The following ZNF557 variants were observed in gnomAD, a reference collection of about 807,000 sequenced individuals.
The protein encoded by ZNF557 is CTB-25J19.9.
A neutral mutation model predicts 21.2 loss-of-function variants in ZNF557; 19 were observed. That is an observed-to-expected ratio of 0.90 (90% confidence interval 0.63 to 1.32). The LOEUF is 1.32. Among genes scored for constraint, ZNF557 ranks in the 40% most tolerant of loss-of-function variants. ZNF557 has a pLI of 0.00. For synonymous variants in ZNF557, 207 were observed against 194.8 expected (o/e 1.06, Z -0.52); for missense variants, 487 against 519.8 (o/e 0.94, Z 0.61).
intron 7 of ZNF557, among the ~76,000 whole-genome samples, chr19:7,082,290 A>T (rs1244547992): frequency 6.6e-6 from 1 of 152,094 alleles, no homozygotes; most frequent in Non-Finnish European, 1.5e-5. Context: ...GGGTGTGGTG[A>T]TGCGCACCTG....
chr19:7,075,603 G>C, intron 3 of ZNF557, 52 bp from the exon 4 acceptor site: 2 of 1,583,366 alleles, frequency 1.3e-6, no homozygotes, highest in Non-Finnish European at 1.7e-6. Flanking sequence ...CCAGATGTGT[G>C]AGTGGACACA....
At position 7,081,995 on chromosome 19, in the gene ZNF557, AG is replaced by A; in HGVS notation, c.372del (p.Leu125Ter). On this transcript the variant is annotated frameshift_variant, in exon 7 of 8. Transcript: ENST00000252840. LOFTEE classifies it high-confidence loss of function. ...ATGTGGAGAATCCATTTAAAGCCAA[AG>A]GGTTAACTCCTAAGCTGCATGTTTT... ...PDVENPFKAK[G>X]LTPKLHVFRK... 1 of 1,613,936 alleles carries A rather than the reference AG, an allele frequency of 6.2e-7. No individual in the cohort carries two copies. Among genetic ancestry groups the A allele is most frequent in the Non-Finnish European group, 8.5e-7 (1 of 1,179,822 alleles).
rs11287183 is a variant in ZNF557, at chr19:7,087,537, C to CA, written c.*3808dup. 3,164 of 137,298 alleles carry CA rather than the reference C, an allele frequency of 0.023. 62 individuals carry two copies. The highest frequency in any genetic ancestry group is 0.036 in the Non-Finnish European group (2,276 of 63,540). 8.5% of individuals were successfully genotyped at this position (137,298 alleles called of 1,614,324 possible). A position where few individuals can be genotyped will look rare whatever the true frequency, so the allele number is the denominator to read the frequency against. ...GGGCAACAAGAGCAAAACTCCATCTCAAAAAAAAAAAAAAAGAAAGAAACA... is the reference window on the plus strand; with the variant it reads ...GGGCAACAAGAGCAAAACTCCATCTCAAAAAAAAAAAAAAAAGAAAGAAACA... On this transcript the variant is annotated 3_prime_UTR_variant, in exon 8 of 8. Transcript: ENST00000252840.
chr19:7,080,820 C>T (rs778005643), intron 5 of ZNF557, among the ~76,000 whole-genome samples: 21 of 152,132 alleles, frequency 1.4e-4, no homozygotes, highest in Non-Finnish European at 2.4e-4. Context: ...TGTGTTTGCC[C>T]ATTTACATAC....
In ZNF557 at chr19:7,086,209, C is replaced by T. The variant is rs1296867698; in HGVS notation, c.*2465C>T. The T allele has an allele frequency of 1.6e-5, 2 of 124,298 alleles. No individual in the cohort carries two copies. Among genetic ancestry groups the T allele is most frequent in the Admixed American group, 8.4e-5 (1 of 11,874 alleles). The allele number at this position is 124,298 out of a possible 1,614,324, so 7.7% of individuals were successfully genotyped here. ...TCATGCCACTTCACTCCAGCCTGGGCAAAAGAGTGCAACTCTGTCTCAAAA... is the reference window on the plus strand; with the variant it reads ...TCATGCCACTTCACTCCAGCCTGGGTAAAAGAGTGCAACTCTGTCTCAAAA... On this transcript the variant is annotated 3_prime_UTR_variant, in exon 8 of 8. Transcript: ENST00000252840.
intron 5 of ZNF557, 86 bp downstream of exon 5, chr19:7,076,593 CA>C (rs1555729634): frequency 6.5e-7 from 1 of 1,531,656 alleles, no homozygotes; most frequent in Non-Finnish European, 8.8e-7. Context: ...TAACACAGGA[CA>C]CAAAAGTCAC....
rs1977899665 is a variant in ZNF557, at chr19:7,087,765, A to G, written c.*4021A>G. The G allele has an allele frequency of 6.6e-6, 1 of 151,688 alleles. No individual in the cohort carries two copies. Among genetic ancestry groups the G allele is most frequent in the South Asian group, 2.1e-4 (1 of 4,822 alleles). 9.4% of individuals were successfully genotyped at this position (151,688 alleles called of 1,614,324 possible). On this transcript the variant is annotated 3_prime_UTR_variant, in exon 8 of 8. Coordinates refer to ENST00000252840, the MANE Select transcript of ZNF557 (RefSeq NM_024341.3). The stretch of plus-strand genomic sequence containing the variant: ...GTGTTAGCTTCCAGGTGAATGCATT[A>G]TCTGTTAATCCTGTTTATTGATCTG...
At chr19:7,078,423 T>C (rs1217982669) in intron 5 of ZNF557, among the ~76,000 whole-genome samples, 1 of 152,026 alleles carries the variant, frequency 6.6e-6, no homozygotes, top group Non-Finnish European at 1.5e-5. Context: ...GCCATTATTT[T>C]TACATATATT....
rs1555730813 is a variant in ZNF557, at chr19:7,087,226, T to TTTTTTTTTTTTTTTTTTTGTTTTTCC, written c.*3482_*3483insTTTTTTTTTTTTTTTTTTGTTTTTCC. On this transcript the variant is annotated 3_prime_UTR_variant, in exon 8 of 8. Coordinates refer to ENST00000252840, the MANE Select transcript of ZNF557 (RefSeq NM_024341.3). ...GCTTTTTTTTTTTTTTTTTTTTTTT[T>TTTTTTTTTTTTTTTTTTTGTTTTTCC]CTTCACTGTGGTGATAAAAACCACA... The TTTTTTTTTTTTTTTTTTTGTTTTTCC allele has an allele frequency of 1.1e-5, 1 of 87,560 alleles. No homozygotes were observed. 5.4% of individuals were successfully genotyped at this position (87,560 alleles called of 1,614,324 possible).
rs1385176971 is a variant in ZNF557 at position 7,069,738 on chromosome 19, A to G, written c.-207A>G. On this transcript the variant is annotated 5_prime_UTR_variant, in exon 1 of 8. Coordinates refer to ENST00000252840, the MANE Select transcript of ZNF557 (RefSeq NM_024341.3). ...AAGAGCCGCGCTTGCAGCGTCTGGG[A>G]GAATCTTTCGGTCTCCGCGAGAGGT... is the stretch of plus-strand genomic sequence containing the variant. The G allele has an allele frequency of 6.6e-6, 1 of 152,248 alleles. No homozygotes were observed. Among genetic ancestry groups the G allele is most frequent in the Non-Finnish European group, 1.5e-5 (1 of 68,046 alleles). 9.4% of individuals were successfully genotyped at this position (152,248 alleles called of 1,614,324 possible). A position where few individuals can be genotyped will look rare whatever the true frequency, so the allele number is the denominator to read the frequency against.
Position 7,082,077 on chromosome 19 carries a change from G to A in ZNF557, c.426+25G>A, listed in dbSNP as rs370341332. 2.4e-4 allele frequency: 380 copies of A among 1,585,076 alleles called. 1 individual carries two copies. Among genetic ancestry groups the A allele is most frequent in the Middle Eastern group, 3.4e-4 (2 of 5,960 alleles). ...GGTAAGACTAACATGGGTGATTCCT[G>A]GTTTTTTTCATGGTAGAATGCCCTA... is the stretch of plus-strand genomic sequence containing the variant. On this transcript the variant is annotated intron_variant, in intron 7 of 7. Coordinates refer to ENST00000252840, the MANE Select transcript of ZNF557 (RefSeq NM_024341.3).
intron 2 of ZNF557, among the ~76,000 whole-genome samples, chr19:7,072,384 C>T (rs964676101): frequency 4.6e-5 from 7 of 152,162 alleles, no homozygotes; most frequent in African/African-American, 1.7e-4. Flanking sequence ...GAGATCTCAC[C>T]ATTGTACTCC....
In ZNF557 at chr19:7,082,926, A is replaced by G. The variant is rs1339238242; in HGVS notation, c.475A>G (p.Lys159Glu). The change falls in exon 8 of 8, where the codon AAA (lysine) becomes GAA (glutamate). Residue 159 changes from lysine to glutamate, a missense_variant. By Grantham distance (56) the Lys-to-Glu change is moderately conservative. Transcript: ENST00000252840. ...ATLNECNQCF[K>E]VFSTKSSLTR... ...ACTCAACGAATGTAATCAGTGTTTTAAAGTCTTCAGCACAAAATCTTCCCT... is the reference window on the plus strand; with the variant it reads ...ACTCAACGAATGTAATCAGTGTTTTGAAGTCTTCAGCACAAAATCTTCCCT... 3.1e-6 allele frequency: 5 copies of G among 1,610,412 alleles called. No individual in the cohort carries two copies. The highest frequency in any genetic ancestry group is 4.2e-6 in the Non-Finnish European group (5 of 1,178,032).
Position 7,083,530 on chromosome 19 carries a change from G to A in ZNF557, c.1079G>A (p.Ser360Asn), listed in dbSNP as rs768345251. ...CNECGKSFTN[S>N]FSLTIHRRIH... ...GAGTGTGGGAAATCCTTTACCAATA[G>A]CTTTTCTCTTACAATTCACAGGAGA... is the stretch of plus-strand genomic sequence containing the variant. Residue 360 changes from serine (S) to asparagine (N), a missense_variant, in exon 8 of 8, where the codon AGC (serine) becomes AAC (asparagine). Coordinates refer to ENST00000252840, the MANE Select transcript of ZNF557 (RefSeq NM_024341.3). 6.2e-7 allele frequency: 1 copy of A among 1,614,118 alleles called. No individual in the cohort carries two copies.
At chr19:7,079,818 CTT>C (rs1474133348) in intron 5 of ZNF557, among the ~76,000 whole-genome samples, 1 of 152,134 alleles carries the variant, frequency 6.6e-6, no homozygotes, top group African/African-American at 2.4e-5. Context: ...GATGACCAGT[CTT>C]TGCCAATGGA....
intron 5 of ZNF557, among the ~76,000 whole-genome samples, chr19:7,078,397 A>G (rs1249549209): frequency 6.6e-6 from 1 of 151,474 alleles, no homozygotes; most frequent in Non-Finnish European, 1.5e-5. Context: ...ATTTTCATCA[A>G]ATTTGGGAAA....
intron 4 of ZNF557, 98 bp downstream of exon 4, chr19:7,075,841 T>TC: frequency 2.0e-6 from 3 of 1,536,228 alleles, no homozygotes; most frequent in Non-Finnish European, 2.6e-6. Flanking sequence ...CCAAACTTGT[T>TC]CCTCAGGCAT....
At chr19:7,078,346 T>C (rs181706822) in intron 5 of ZNF557, among the ~76,000 whole-genome samples, 41 of 152,334 alleles carry the variant, frequency 2.7e-4, no homozygotes, top group Admixed American at 9.8e-4. Flanking sequence ...AAGTGTATCC[T>C]ATTGGGAGAT....
rs1388143001 is a variant in ZNF557 at position 7,084,791 on chromosome 19, C to G, written c.*1047C>G. On this transcript the variant is annotated 3_prime_UTR_variant, in exon 8 of 8. Transcript: ENST00000252840. Reference sequence around the variant, plus strand: ...CCCCCTACCAAAAAAAAAGTATCTACTGGGGAGCTGCCCAGGTAATGCAGT... The same window carrying G: ...CCCCCTACCAAAAAAAAAGTATCTAGTGGGGAGCTGCCCAGGTAATGCAGT... 1 of 152,096 alleles carries G rather than the reference C, an allele frequency of 6.6e-6. No homozygotes were observed. The highest frequency in any genetic ancestry group is 1.5e-5 in the Non-Finnish European group (1 of 68,010). The allele number at this position is 152,096 out of a possible 1,614,324, so 9.4% of individuals were successfully genotyped here.
Sources: gnomAD v4.1 joint callset for allele counts (sites outside exome capture counted in the v4.1 genomes callset) on GRCh38, gnomAD v4.1.1 for gene constraint, MANE v1.5 for transcripts, NCBI Gene and HGNC (gene_info 2026-07-23, HGNC 2026-07-21) for gene names.